The following UGT1A9 variants were observed in gnomAD, a reference collection of about 807,000 sequenced individuals.
The protein encoded by UGT1A9 is UDP glucuronosyltransferase family 1 member A9, also known as UDP-glucuronosyltransferase 1A9.
A neutral mutation model predicts 45.0 loss-of-function variants in UGT1A9; 35 were observed. The ratio of observed to expected loss-of-function variants is 0.78; its 90% CI spans 0.59 to 1.03. The LOEUF (loss-of-function observed/expected upper bound fraction) is 1.03, where lower values mean the gene tolerates loss of function less well. Ranked by LOEUF, UGT1A9 falls within the 50% of genes least tolerant of loss-of-function variation. UGT1A9 has a pLI of 0.00. For synonymous variants in UGT1A9, 278 were observed against 250.6 expected, an observed-to-expected ratio of 1.11 and a Z score of -1.03; for missense variants, 687 against 666.6, an observed-to-expected ratio of 1.03 and a Z score of -0.34.
chr2:233,714,055 AGAGG>A (rs1305818023), intron 1 of UGT1A9, among the ~76,000 whole-genome samples: 1 of 152,164 alleles, frequency 6.6e-6, no homozygotes, highest in Non-Finnish European at 1.5e-5. Flanking sequence ...ATGGCCACTG[AGAGG>A]AAGGAGAGGC....
intron 1 of UGT1A9, among the ~76,000 whole-genome samples, chr2:233,733,272 C>A (rs1167854143): frequency 6.6e-6 from 1 of 152,152 alleles, no homozygotes; most frequent in African/African-American, 2.4e-5. Context: ...TATTTGACTT[C>A]CTCTTTTCCT....
chr2:233,689,979 C>T (rs1038276271), intron 1 of UGT1A9: 2 of 453,310 alleles, frequency 4.4e-6, no homozygotes, highest in Admixed American at 2.4e-5. Flanking sequence ...CCCACAGGCC[C>T]CTAAAAGGGA....
chr2:233,698,956 C>T (rs1307607547), intron 1 of UGT1A9, among the ~76,000 whole-genome samples: 1 of 152,204 alleles, frequency 6.6e-6, no homozygotes, highest in Non-Finnish European at 1.5e-5. Context: ...TCCAAGCTGG[C>T]CCTTGGGGAA....
At chr2:233,696,988 G>A (rs914918936) in intron 1 of UGT1A9, among the ~76,000 whole-genome samples, 8 of 151,918 alleles carry the variant, frequency 5.3e-5, no homozygotes, top group African/African-American at 7.2e-5. Context: ...CTGGTGTTTC[G>A]TTGAGATTTT....
rs2074950083 is a variant in UGT1A9 at position 233,689,569 on chromosome 2, T to C, written c.855+16780T>C. ...GTCATAGGTGAATTCAGAGATTTTC[T>C]GATTTGCAATTAGCTAAGGAAGAGA... On this transcript the variant is annotated intron_variant, in intron 1 of 4. Coordinates refer to ENST00000354728, the MANE Select transcript of UGT1A9 (RefSeq NM_021027.3). Among the ~76,000 whole-genome samples the C allele has an allele frequency of 5.3e-5, 8 of 152,370 alleles. 1 individual carries two copies. In the South Asian group the frequency reaches 1.7e-3, roughly 32 times the overall value.
rs1191601958 is a variant in UGT1A9, at chr2:233,739,349, G to A, written c.856-27685G>A. ...GCCACAGTCCTTCAGAACCCAGAAGGGCAGATCCAATAGCTTGCACTGTGT... is the reference window on the plus strand; with the variant it reads ...GCCACAGTCCTTCAGAACCCAGAAGAGCAGATCCAATAGCTTGCACTGTGT... On this transcript the variant is annotated intron_variant, in intron 1 of 4. Coordinates refer to ENST00000354728, the MANE Select transcript of UGT1A9 (RefSeq NM_021027.3). Among the ~76,000 whole-genome samples, 6 of 152,284 alleles carry A rather than the reference G, an allele frequency of 3.9e-5. No homozygotes were observed. In the East Asian group the frequency reaches 5.8e-4, roughly 15 times the overall value.
intron 1 of UGT1A9, among the ~76,000 whole-genome samples, chr2:233,681,226 C>T (rs1463032523): frequency 6.6e-6 from 1 of 151,832 alleles, no homozygotes; most frequent in Non-Finnish European, 1.5e-5. Context: ...GGGCAGAGGA[C>T]AAAATAAAAA....
chr2:233,773,017 C>A lies in UGT1A9; in HGVS notation c.*458C>A. 4.9e-6 allele frequency: 1 copy of A among 206,174 alleles called. No individual in the cohort carries two copies. The allele number at this position is 206,174 out of a possible 1,614,324, so 12.8% of individuals were successfully genotyped here. ...CTCTGTCGTGCTTCATAGGTGCCAC[C>A]TTGTGTGTTTAAAGAAGGGAAGCTT... On this transcript the variant is annotated 3_prime_UTR_variant, in exon 5 of 5. Transcript: ENST00000354728.
chr2:233,771,824 C>T (rs981905786), intron 4 of UGT1A9, among the ~76,000 whole-genome samples: 9 of 144,512 alleles, frequency 6.2e-5, no homozygotes, highest in Non-Finnish European at 1.4e-4. Context: ...TCCTTGCTTC[C>T]TTCCCTCCTT....
chr2:233,710,310 G>C (rs566439380), intron 1 of UGT1A9, among the ~76,000 whole-genome samples: 1 of 152,308 alleles, frequency 6.6e-6, no homozygotes, highest in Non-Finnish European at 1.5e-5. Flanking sequence ...TGCATGGTAG[G>C]TGTATGTATG....
chr2:233,767,002 A>C, intron 1 of UGT1A9, 32 bp from the exon 2 acceptor site: 2 of 1,613,784 alleles, frequency 1.2e-6, no homozygotes, highest in Non-Finnish European at 1.7e-6. Flanking sequence ...ATATGAGAAA[A>C]AATTAACTGA....
chr2:233,729,273 G>A (rs759495463), intron 1 of UGT1A9: 2 of 1,614,242 alleles, frequency 1.2e-6, no homozygotes, highest in Non-Finnish European at 1.7e-6. Context: ...AGGTCTTGCG[G>A]GAGCTCCATG....
chr2:233,724,899 C>G lies in UGT1A9; in HGVS notation c.856-42135C>G, dbSNP rs1488264154. On this transcript the variant is annotated intron_variant, in intron 1 of 4. Transcript: ENST00000354728. ...CGGAGATCACGCCACTGCACTCCAGCCTGGGCACCATTGAGCACTGAGTGA... is the reference window on the plus strand; with the variant it reads ...CGGAGATCACGCCACTGCACTCCAGGCTGGGCACCATTGAGCACTGAGTGA... Among the ~76,000 whole-genome samples the G allele has an allele frequency of 2.9e-5, 4 of 138,200 alleles. No homozygotes were observed. In the East Asian group the frequency reaches 8.6e-4, roughly 30 times the overall value. The allele number at this position is 138,200 out of a possible 152,430, so 90.7% of individuals were successfully genotyped here.
rs760358460 is a variant in UGT1A9 at position 233,693,812 on chromosome 2, A to C, written c.855+21023A>C. 22 of 1,614,124 alleles carry C rather than the reference A, an allele frequency of 1.4e-5. No homozygotes were observed. In the South Asian group the frequency reaches 2.3e-4, roughly 17 times the overall value. On this transcript the variant is annotated intron_variant, in intron 1 of 4. Transcript: ENST00000354728. ...TGAATATCCTAGGCCGGTCATGCCC[A>C]ACATGGTCTTCATTGGAGGTATCAA... is the stretch of plus-strand genomic sequence containing the variant.
intron 1 of UGT1A9, among the ~76,000 whole-genome samples, chr2:233,683,145 G>A (rs1309929091): frequency 1.3e-5 from 2 of 151,972 alleles, no homozygotes; most frequent in Non-Finnish European, 2.9e-5. Flanking sequence ...TGTGTGAATT[G>A]TTTTCAATTT....
intron 1 of UGT1A9, among the ~76,000 whole-genome samples, chr2:233,674,532 G>T (rs1475217323): frequency 6.6e-6 from 1 of 151,966 alleles, no homozygotes; most frequent in Admixed American, 6.6e-5. Flanking sequence ...GTCACCCAGA[G>T]GCCTTTAGAG....
intron 1 of UGT1A9, among the ~76,000 whole-genome samples, chr2:233,680,000 CTTTT>C (rs1404086199): frequency 6.6e-6 from 1 of 152,136 alleles, no homozygotes; most frequent in Non-Finnish European, 1.5e-5. Flanking sequence ...CTTTTCTTCT[CTTTT>C]CTTTCTTTCT....
intron 1 of UGT1A9, among the ~76,000 whole-genome samples, chr2:233,678,442 T>C (rs1163978851): frequency 6.6e-6 from 1 of 151,808 alleles, no homozygotes; most frequent in Non-Finnish European, 1.5e-5. Flanking sequence ...GCAGAAGAGG[T>C]AGAGGAGGTG....
At chr2:233,698,319 G>C (rs1406840673) in intron 1 of UGT1A9, among the ~76,000 whole-genome samples, 1 of 152,196 alleles carries the variant, frequency 6.6e-6, no homozygotes, top group African/African-American at 2.4e-5. Flanking sequence ...GAAATGTCTG[G>C]AACCAGATAG....
Sources: allele counts gnomAD v4.1 joint callset (sites outside exome capture counted in the v4.1 genomes callset), GRCh38; gene constraint gnomAD v4.1.1; transcripts MANE v1.5; gene names NCBI Gene and HGNC (gene_info 2026-07-23, HGNC 2026-07-21).